The following CYTH3 variants were observed in gnomAD, a reference collection of about 807,000 sequenced individuals.
CYTH3 encodes the protein cytohesin-3.
A neutral mutation model predicts 55.1 loss-of-function variants in CYTH3; 23 were observed. That is an observed-to-expected ratio of 0.42 (90% CI 0.30 to 0.59). The LOEUF is 0.59. Among genes scored for constraint, CYTH3 ranks in the 20% least tolerant of loss-of-function variants. The pLI is 0.20. For missense variants in CYTH3, 413 were observed against 524.8 expected, an observed-to-expected ratio of 0.79 and a Z score of 2.08; for synonymous variants, 249 against 194.9, an observed-to-expected ratio of 1.28 and a Z score of -2.31.
Position 6,170,454 on chromosome 7 carries a change from C to T in CYTH3, c.823+81G>A, listed in dbSNP as rs1369970630. The stretch of plus-strand genomic sequence containing the variant: ...CTGCCTGCGGTGGGGGGCATTCCTA[C>T]GATGAGCCTGGGAGGAACCCGAGGG... On this transcript the variant is annotated intron_variant, in intron 9 of 12. Transcript: ENST00000350796. This position sits in a 1 kb window ranked among gnomAD's most constrained non-coding sequence, Gnocchi z 7.8. 38 of 1,327,900 alleles carry T rather than the reference C, an allele frequency of 2.9e-5. No individual in the cohort carries two copies. Among genetic ancestry groups the T allele is most frequent in the Non-Finnish European group, 3.5e-5 (33 of 955,192 alleles). 82.3% of individuals were successfully genotyped at this position (1,327,900 alleles called of 1,614,324 possible).
At chr7:6,233,714 AC>A (rs540492701) in intron 1 of CYTH3, among the ~76,000 whole-genome samples, 2 of 151,738 alleles carry the variant, frequency 1.3e-5, no homozygotes, top group East Asian at 3.9e-4. Context: ...CCCAGCGTCT[AC>A]CCTGTTTCAG....
chr7:6,187,236 C>T (rs965634089), intron 3 of CYTH3, 120 bp from the exon 4 acceptor site: 9 of 1,056,090 alleles, frequency 8.5e-6, no homozygotes, highest in Non-Finnish European at 1.3e-5. Flanking sequence ...CACAGGCCCT[C>T]ACGGAGGGGC....
rs916996881 is a variant in CYTH3, at chr7:6,163,590, G to A, written c.*1354C>T. 6.6e-6 allele frequency: 1 copy of A among 152,272 alleles called. No homozygotes were observed. Among genetic ancestry groups the A allele is most frequent in the Non-Finnish European group, 1.5e-5 (1 of 68,114 alleles). The allele number at this position is 152,272 out of a possible 1,614,324, so 9.4% of individuals were successfully genotyped here. A position where few individuals can be genotyped will look rare whatever the true frequency, so the allele number is the denominator to read the frequency against. On this transcript the variant is annotated 3_prime_UTR_variant, in exon 13 of 13. Coordinates refer to ENST00000350796, the MANE Select transcript of CYTH3 (RefSeq NM_004227.4). ...CCAGCCTTCCTTGAGCGGAGCACTG[G>A]GCACCTCCTATCCTTACATCCACAG...
rs1583187163 is a variant in CYTH3 at position 6,238,094 on chromosome 7, CAAG to C, written c.34+34377_34+34379del. Among the ~76,000 whole-genome samples the C allele has an allele frequency of 4.6e-5, 7 of 152,306 alleles. No homozygotes were observed. The East Asian group carries it at 1.3e-3, about 29-fold the overall frequency. On this transcript the variant is annotated intron_variant, in intron 1 of 12. Coordinates refer to ENST00000350796, the MANE Select transcript of CYTH3 (RefSeq NM_004227.4). ...ATCCTAGACAATCTGTATACTTCATCAAGTCTCCTTAGAGGTTATTATTGAAAT... is the reference window on the plus strand; with the variant it reads ...ATCCTAGACAATCTGTATACTTCATCTCTCCTTAGAGGTTATTATTGAAAT...
chr7:6,205,600 G>A (rs1326026930), intron 1 of CYTH3, among the ~76,000 whole-genome samples: 5 of 151,946 alleles, frequency 3.3e-5, no homozygotes, highest in Admixed American at 6.6e-5. Context: ...AACAAGAAAA[G>A]AAGAGAAAGA....
intron 1 of CYTH3, among the ~76,000 whole-genome samples, chr7:6,245,776 C>T (rs911073143): frequency 1.4e-4 from 21 of 152,172 alleles, no homozygotes; most frequent in East Asian, 3.9e-4. Flanking sequence ...TGGTAGTGCA[C>T]GCCTGTAATC....
At chr7:6,258,147 T>A (rs1049966759) in intron 1 of CYTH3, among the ~76,000 whole-genome samples, 3 of 151,948 alleles carry the variant, frequency 2.0e-5, no homozygotes, top group Non-Finnish European at 4.4e-5. Flanking sequence ...TGCTTTTTCT[T>A]TTTTTTCCAA....
chr7:6,201,550 T>G (rs1243803248), intron 1 of CYTH3, among the ~76,000 whole-genome samples: 1 of 152,056 alleles, frequency 6.6e-6, no homozygotes, highest in East Asian at 1.9e-4. Flanking sequence ...TTAAATAAGT[T>G]CAATCAAGAG....
At chr7:6,226,194 A>G (rs554634512) in intron 1 of CYTH3, among the ~76,000 whole-genome samples, 1 of 152,200 alleles carries the variant, frequency 6.6e-6, no homozygotes, top group South Asian at 2.1e-4. Flanking sequence ...GGGCTCTGAG[A>G]GGTCTCCCTA....
At chr7:6,271,175 G>T (rs887057189) in intron 1 of CYTH3, among the ~76,000 whole-genome samples, 8 of 151,974 alleles carry the variant, frequency 5.3e-5, no homozygotes, top group Admixed American at 1.3e-4. Context: ...ACACCCACTC[G>T]GTGCCACAGT....
At chr7:6,255,364 C>T (rs367603545) in intron 1 of CYTH3, among the ~76,000 whole-genome samples, 15 of 152,072 alleles carry the variant, frequency 9.9e-5, no homozygotes, top group Non-Finnish European at 7.4e-5. Flanking sequence ...GGGAATTACC[C>T]GAAATATCCT....
intron 1 of CYTH3, among the ~76,000 whole-genome samples, chr7:6,217,297 G>A (rs1784450506): frequency 6.6e-6 from 1 of 152,098 alleles, no homozygotes; most frequent in Non-Finnish European, 1.5e-5. Flanking sequence ...AATTATACAT[G>A]ACCCACCTAG....
chr7:6,269,444 T>C (rs1001853473), intron 1 of CYTH3, among the ~76,000 whole-genome samples: 1 of 151,686 alleles, frequency 6.6e-6, no homozygotes, highest in Non-Finnish European at 1.5e-5. Flanking sequence ...GATCAGGGAG[T>C]GAAGGGGTCA....
chr7:6,170,769 T>A lies in CYTH3; in HGVS notation c.711+61A>T, dbSNP rs376480467. 563 of 1,574,604 alleles carry A rather than the reference T, an allele frequency of 3.6e-4. 1 individual carries two copies. In the African/African-American group the frequency reaches 6.4e-3, roughly 18 times the overall value. ...GAGGCGTGTCTAGAGCCGCGGGCGC[T>A]GCGGCCGCTCACAGCGAAGAGATCC... On this transcript the variant is annotated intron_variant, in intron 8 of 12. Transcript: ENST00000350796. The surrounding 1 kb of genome is among the most constrained non-coding windows in gnomAD (Gnocchi z 7.8).
At chr7:6,209,399 T>C (rs1334888276) in intron 1 of CYTH3, among the ~76,000 whole-genome samples, 4 of 152,336 alleles carry the variant, frequency 2.6e-5, no homozygotes, top group African/African-American at 9.6e-5. Flanking sequence ...CTTTCTACCC[T>C]AGCTAACTGA....
intron 1 of CYTH3, among the ~76,000 whole-genome samples, chr7:6,267,593 G>A (rs1407640946): frequency 6.6e-6 from 1 of 152,088 alleles, no homozygotes; most frequent in Admixed American, 6.5e-5. Flanking sequence ...GCGCTATCTC[G>A]GCTCATTGCA....
At chr7:6,202,457 GTTT>G (rs34849107) in intron 1 of CYTH3, among the ~76,000 whole-genome samples, 7 of 126,504 alleles carry the variant, frequency 5.5e-5, no homozygotes, top group Admixed American at 8.0e-5. Context: ...GCCATTGCTA[GTTT>G]TTTTTTTTTT....
chr7:6,165,121 C>G, intron 12 of CYTH3, 105 bp from the exon 13 acceptor site: 1 of 1,571,420 alleles, frequency 6.4e-7, no homozygotes, highest in Non-Finnish European at 8.7e-7. Flanking sequence ...AGGCTCAGAT[C>G]TGAACGTCGG....
chr7:6,256,960 T>A (rs1780145293), intron 1 of CYTH3, among the ~76,000 whole-genome samples: 8 of 152,232 alleles, frequency 5.3e-5, no homozygotes. Context: ...CTTTCTTTTG[T>A]GAAAACTGAA....
Sources: allele counts gnomAD v4.1 joint callset (sites outside exome capture counted in the v4.1 genomes callset), GRCh38; gene constraint gnomAD v4.1.1; non-coding constraint Gnocchi (gnomAD v3.1); transcripts MANE v1.5; gene names NCBI Gene and HGNC (gene_info 2026-07-23, HGNC 2026-07-21).